Variants in PARD3 observed in about 807,000 individuals in gnomAD.
The protein encoded by PARD3 is par-3 family cell polarity regulator.
In PARD3, 75 loss-of-function variants were observed where a neutral mutation model predicts 155.4. The ratio of observed to expected loss-of-function variants is 0.48; its 90% confidence interval spans 0.40 to 0.58. The LOEUF is 0.58. Ranked by LOEUF, PARD3 falls within the 20% of genes least tolerant of loss-of-function variation. The pLI, the probability that PARD3 is intolerant of heterozygous loss-of-function variation, is 0.00. For missense variants in PARD3, 1,642 were observed against 1,721.7 expected, an observed-to-expected ratio of 0.95 and a Z score of 0.82; for synonymous variants, 576 against 610.5, an observed-to-expected ratio of 0.94 and a Z score of 0.83.
intron 2 of PARD3, among the ~76,000 whole-genome samples, chr10:34,565,555 C>T (rs529281013): frequency 4.6e-5 from 7 of 152,182 alleles, no homozygotes; most frequent in African/African-American, 1.7e-4. Context: ...TGTGAGCCAC[C>T]GTACCCAGCC....
At chr10:34,191,803 C>G (rs1165525038) in intron 22 of PARD3, among the ~76,000 whole-genome samples, 1 of 152,096 alleles carries the variant, frequency 6.6e-6, no homozygotes, top group Non-Finnish European at 1.5e-5. Flanking sequence ...TTTCTAATTC[C>G]CCAGCTCAGA....
Position 34,565,260 on chromosome 10 carries a change from CTTTTTTTTTT to C in PARD3, c.223-48111_223-48102del, listed in dbSNP as rs59606413. On this transcript the variant is annotated intron_variant, in intron 2 of 24. Transcript: ENST00000374788. Reference sequence around the variant, plus strand: ...TCAGATAAAAGACAAAGGAGCAAGGCTTTTTTTTTTTTTTTTTTTTTTTTTTTGAGACAGT... The same window carrying C: ...TCAGATAAAAGACAAAGGAGCAAGGCTTTTTTTTTTTTTTTTTGAGACAGT... Among the ~76,000 whole-genome samples the C allele has an allele frequency of 6.9e-3, 274 of 39,670 alleles. 5 individuals are homozygous for C. The highest frequency in any genetic ancestry group is 0.029 in the African/African-American group (262 of 9,064). The allele number at this position is 39,670 out of a possible 152,430, so 26.0% of individuals were successfully genotyped here.
chr10:34,282,857 T>C (rs1956220905), intron 21 of PARD3, among the ~76,000 whole-genome samples: 2 of 152,196 alleles, frequency 1.3e-5, no homozygotes, highest in South Asian at 2.1e-4. Context: ...AAATAGTGAA[T>C]TTACTAATAA....
In PARD3 at chr10:34,337,302, G is replaced by A. The variant is rs1054461887; in HGVS notation, c.2533C>T (p.Arg845Ter). The A allele has an allele frequency of 1.3e-6, 2 of 1,595,056 alleles. No individual in the cohort carries two copies. Among genetic ancestry groups the A allele is most frequent in the Non-Finnish European group, 1.7e-6 (2 of 1,171,806 alleles). ...DASQLDFVKT[R>*]KSKSMDLGIA... Reference sequence around the variant, plus strand: ...CCTAAATCCATGCTTTTTGATTTTCGTGTTTTAACGAAATCCAATTGACTG... The same window carrying A: ...CCTAAATCCATGCTTTTTGATTTTCATGTTTTAACGAAATCCAATTGACTG... The change falls in exon 17 of 25, where the codon CGA (arginine) becomes TGA (stop). Residue 845 changes from arginine (R) to a stop codon, truncating the protein, a stop_gained. Coordinates refer to ENST00000374788, the MANE Select transcript of PARD3 (RefSeq NM_001184785.2). LOFTEE classifies it high-confidence loss of function.
intron 1 of PARD3, among the ~76,000 whole-genome samples, chr10:34,800,702 T>C (rs898382783): frequency 2.0e-5 from 3 of 152,100 alleles, no homozygotes; most frequent in Non-Finnish European, 4.4e-5. Flanking sequence ...CTGAGACTCC[T>C]TCACAGTAAG....
chr10:34,592,660 C>A (rs1208425079), intron 2 of PARD3, among the ~76,000 whole-genome samples: 1 of 152,150 alleles, frequency 6.6e-6, no homozygotes, highest in Non-Finnish European at 1.5e-5. Context: ...CCTGTAGTCC[C>A]AGCTACTCCA....
intron 22 of PARD3, among the ~76,000 whole-genome samples, chr10:34,241,792 A>G (rs1953614677): frequency 6.6e-6 from 1 of 152,216 alleles, no homozygotes; most frequent in Non-Finnish European, 1.5e-5. Context: ...AAATGGACCC[A>G]GAAGTCCCAG....
intron 2 of PARD3, among the ~76,000 whole-genome samples, chr10:34,519,865 CATAACAT>C (rs2082027770): frequency 6.6e-6 from 1 of 150,418 alleles, no homozygotes; most frequent in African/African-American, 2.4e-5. Context: ...CATAACATAA[CATAACAT>C]AACATAACAT....
chr10:34,777,321 G>C (rs1030576824), intron 1 of PARD3, among the ~76,000 whole-genome samples: 5 of 152,138 alleles, frequency 3.3e-5, no homozygotes, highest in African/African-American at 1.2e-4. Flanking sequence ...ATCTGCCTCA[G>C]ATGTCAATTT....
rs578097831 is a variant in PARD3 at position 34,429,356 on chromosome 10, T to C, written c.714+20961A>G. Among the ~76,000 whole-genome samples the C allele has an allele frequency of 3.3e-5, 5 of 152,098 alleles. No individual in the cohort carries two copies. The East Asian group carries it at 7.7e-4, about 23-fold the overall frequency. On this transcript the variant is annotated intron_variant, in intron 5 of 24. Transcript: ENST00000374788. ...GAATTTAAGCAAAACTTAACCTAGA[T>C]GAGAAGCATTAGAACCACAAGTAAA... is the stretch of plus-strand genomic sequence containing the variant.
intron 5 of PARD3, among the ~76,000 whole-genome samples, chr10:34,438,921 G>A (rs929002080): frequency 6.6e-6 from 1 of 152,156 alleles, no homozygotes; most frequent in Non-Finnish European, 1.5e-5. Flanking sequence ...GTGCAAGCCA[G>A]GCTGGTGCCA....
At chr10:34,370,809 TGTG>T (rs1840515776) in intron 12 of PARD3, among the ~76,000 whole-genome samples, 1 of 10,866 alleles carries the variant, frequency 9.2e-5, no homozygotes, top group South Asian at 3.8e-3. Flanking sequence ...ACAAATGGGG[TGTG>T]TGTGTGTGTG....
At chr10:34,332,485 G>A (rs1835720252) in intron 18 of PARD3, among the ~76,000 whole-genome samples, 1 of 152,114 alleles carries the variant, frequency 6.6e-6, no homozygotes, top group Non-Finnish European at 1.5e-5. Flanking sequence ...CCCATATGTT[G>A]ATCATGTTAT....
chr10:34,593,421 A>G (rs1273652244), intron 2 of PARD3, among the ~76,000 whole-genome samples: 4 of 152,202 alleles, frequency 2.6e-5, no homozygotes, highest in Admixed American at 2.0e-4. Context: ...CAAATAAACC[A>G]TACCAATATT....
intron 2 of PARD3, among the ~76,000 whole-genome samples, chr10:34,634,130 A>T (rs2092382407): frequency 6.6e-6 from 1 of 152,216 alleles, no homozygotes; most frequent in Non-Finnish European, 1.5e-5. Flanking sequence ...AGGAAGCAGA[A>T]CTGGAAGAGC....
At chr10:34,694,170 C>CA (rs552379913) in intron 2 of PARD3, among the ~76,000 whole-genome samples, 2 of 145,664 alleles carry the variant, frequency 1.4e-5, no homozygotes, top group African/African-American at 2.5e-5. Flanking sequence ...AAAAAAGAAA[C>CA]AAAAAAAAGA....
chr10:34,416,538 G>A (rs531867117), intron 5 of PARD3, among the ~76,000 whole-genome samples: 1 of 152,248 alleles, frequency 6.6e-6, no homozygotes, highest in South Asian at 2.1e-4. Flanking sequence ...ACCTATCAGG[G>A]CCAGGCTTCC....
At chr10:34,542,234 T>TGCGCAC (rs1554889664) in intron 2 of PARD3, among the ~76,000 whole-genome samples, 8 of 146,198 alleles carry the variant, frequency 5.5e-5, no homozygotes, top group Non-Finnish European at 1.0e-4. Context: ...TGTGTGTGTG[T>TGCGCAC]GTGTGCACAC....
At chr10:34,260,483 C>A (rs1954900664) in intron 22 of PARD3, among the ~76,000 whole-genome samples, 1 of 152,100 alleles carries the variant, frequency 6.6e-6, no homozygotes, top group Non-Finnish European at 1.5e-5. Context: ...AGGCAAGTGG[C>A]CCAGGCACAG....
Sources: allele counts gnomAD v4.1 joint callset (sites outside exome capture counted in the v4.1 genomes callset), GRCh38; gene constraint gnomAD v4.1.1; transcripts MANE v1.5; gene names NCBI Gene and HGNC (gene_info 2026-07-23, HGNC 2026-07-21).